The following GALNTL6 variants were observed in gnomAD, a reference collection of about 807,000 sequenced individuals.
GALNTL6 encodes the protein polypeptide N-acetylgalactosaminyltransferase-like 6.
In GALNTL6, 46 loss-of-function variants were observed where a neutral mutation model predicts 73.7. That is an observed-to-expected ratio of 0.62 (90% CI 0.49 to 0.80). The LOEUF (loss-of-function observed/expected upper bound fraction) is 0.80, where lower values mean the gene tolerates loss of function less well. Among genes scored for constraint, GALNTL6 ranks in the 30% least tolerant of loss-of-function variants. The pLI is 0.00. For missense variants in GALNTL6, 604 were observed against 755.0 expected (o/e 0.80, Z 2.34); for synonymous variants, 259 against 263.7 (o/e 0.98, Z 0.17).
chr4:172,997,403 A>G (rs1254634738), intron 10 of GALNTL6, among the ~76,000 whole-genome samples: 1 of 152,164 alleles, frequency 6.6e-6, no homozygotes, highest in Non-Finnish European at 1.5e-5. Flanking sequence ...AAAACACAGC[A>G]TGGCGAGAGT....
chr4:172,964,326 A>G (rs1325135520), intron 10 of GALNTL6, among the ~76,000 whole-genome samples: 6 of 152,218 alleles, frequency 3.9e-5, no homozygotes. Context: ...AGAATTCTAA[A>G]TATCATGTGT....
chr4:172,376,445 C>T (rs762595289), intron 5 of GALNTL6, among the ~76,000 whole-genome samples: 4 of 152,118 alleles, frequency 2.6e-5, no homozygotes, highest in Non-Finnish European at 4.4e-5. Context: ...TGTCGACCCT[C>T]GACTCAGCCC....
intron 5 of GALNTL6, among the ~76,000 whole-genome samples, chr4:172,704,926 C>G (rs1482867698): frequency 6.6e-6 from 1 of 151,830 alleles, no homozygotes; most frequent in Non-Finnish European, 1.5e-5. Flanking sequence ...TCTGTTCTCC[C>G]TATATAATGA....
chr4:172,950,058 G>A (rs75203403), intron 9 of GALNTL6, among the ~76,000 whole-genome samples: 308 of 152,288 alleles, frequency 2.0e-3, no homozygotes, highest in Non-Finnish European at 3.6e-3. Context: ...TGATATTACA[G>A]ACTCACACTG....
At chr4:172,770,714 G>A (rs1204589111) in intron 5 of GALNTL6, among the ~76,000 whole-genome samples, 19 of 152,078 alleles carry the variant, frequency 1.2e-4, no homozygotes, top group Non-Finnish European at 1.5e-5. Context: ...CATATGTTCT[G>A]CCATCATGAA....
At chr4:172,928,040 T>C (rs1298789566) in intron 8 of GALNTL6, among the ~76,000 whole-genome samples, 2 of 152,318 alleles carry the variant, frequency 1.3e-5, no homozygotes, top group African/African-American at 4.8e-5. Flanking sequence ...TGAAAGTTAG[T>C]GTTTGAAAGG....
In GALNTL6 at chr4:171,986,898, A is replaced by G. The variant is rs569283085; in HGVS notation, c.138+172180A>G. 5.8e-3 allele frequency among the ~76,000 whole-genome samples: 883 copies of G among 152,280 alleles called. 4 individuals are homozygous for G. The highest frequency in any genetic ancestry group is 0.01 in the Middle Eastern group (3 of 294). ...CAAGAGTTAAGAGTGGCAGTTTGGG[A>G]ATAGTACCAGGAGATATCAGCTGTG... On this transcript the variant is annotated intron_variant, in intron 2 of 12. Transcript: ENST00000506823.
At chr4:172,130,450 A>C (rs549546089) in intron 2 of GALNTL6, among the ~76,000 whole-genome samples, 2 of 152,000 alleles carry the variant, frequency 1.3e-5, no homozygotes, top group Non-Finnish European at 2.9e-5. Context: ...TGATCACTGA[A>C]AAAAATTGTA....
intron 2 of GALNTL6, among the ~76,000 whole-genome samples, chr4:172,195,119 G>C (rs980571840): frequency 6.6e-6 from 1 of 151,610 alleles, no homozygotes; most frequent in Non-Finnish European, 1.5e-5. Context: ...CAAGCAAATG[G>C]AAAGCCAAAA....
intron 2 of GALNTL6, among the ~76,000 whole-genome samples, chr4:172,023,077 T>C (rs1741452472): frequency 6.6e-6 from 1 of 151,954 alleles, no homozygotes; most frequent in South Asian, 2.1e-4. Context: ...CCAACATCCT[T>C]CTTTTCCAGT....
At chr4:172,526,299 G>A (rs1274405885) in intron 5 of GALNTL6, among the ~76,000 whole-genome samples, 2 of 152,138 alleles carry the variant, frequency 1.3e-5, no homozygotes, top group African/African-American at 4.8e-5. Flanking sequence ...GATTGTTTCA[G>A]CATCGCTCAC....
intron 2 of GALNTL6, among the ~76,000 whole-genome samples, chr4:172,213,459 A>G (rs1219981840): frequency 1.3e-5 from 2 of 152,158 alleles, no homozygotes; most frequent in East Asian, 3.9e-4. Flanking sequence ...TAACCATCCT[A>G]ATAGATGTGT....
At chr4:172,535,158 A>T (rs918808276) in intron 5 of GALNTL6, among the ~76,000 whole-genome samples, 2 of 152,220 alleles carry the variant, frequency 1.3e-5, no homozygotes, top group African/African-American at 4.8e-5. Context: ...CACAGTAAGG[A>T]AGGTTAATAG....
At chr4:171,869,970 A>G (rs576223761) in intron 2 of GALNTL6, among the ~76,000 whole-genome samples, 1 of 146,850 alleles carries the variant, frequency 6.8e-6, no homozygotes, top group South Asian at 2.1e-4. Context: ...AGCAGCATGA[A>G]AACAGACTAA....
chr4:172,300,557 G>T (rs184231904), intron 3 of GALNTL6, among the ~76,000 whole-genome samples: 285 of 152,184 alleles, frequency 1.9e-3, no homozygotes, highest in African/African-American at 6.6e-3. Flanking sequence ...CTCTTTTCGG[G>T]CAGGCCTGGT....
chr4:172,812,475 A>T (rs1351952832), intron 6 of GALNTL6, among the ~76,000 whole-genome samples: 1 of 152,232 alleles, frequency 6.6e-6, no homozygotes, highest in Non-Finnish European at 1.5e-5. Flanking sequence ...CTAAATTCAC[A>T]TTCTTGGAAA....
chr4:172,240,385 G>A (rs1183908969), intron 3 of GALNTL6, among the ~76,000 whole-genome samples: 3 of 150,068 alleles, frequency 2.0e-5, no homozygotes, highest in East Asian at 1.9e-4. Context: ...CATCATGCCC[G>A]GCTAATTTTT....
intron 5 of GALNTL6, among the ~76,000 whole-genome samples, chr4:172,704,421 T>C (rs1264350666): frequency 6.6e-6 from 1 of 152,006 alleles, no homozygotes; most frequent in Admixed American, 6.6e-5. Flanking sequence ...CAAAACATTT[T>C]TTTTAATTTC....
At chr4:172,502,289 A>G (rs1029661405) in intron 5 of GALNTL6, among the ~76,000 whole-genome samples, 1 of 152,200 alleles carries the variant, frequency 6.6e-6, no homozygotes, top group Non-Finnish European at 1.5e-5. Flanking sequence ...TAAAAACTCC[A>G]TAATATTTTA....
Sources: gnomAD v4.1 joint callset for allele counts (sites outside exome capture counted in the v4.1 genomes callset) on GRCh38, gnomAD v4.1.1 for gene constraint, MANE v1.5 for transcripts, NCBI Gene and HGNC (gene_info 2026-07-23, HGNC 2026-07-21) for gene names.